PIWIL2: variants seen among roughly 807,000 people sequenced by gnomAD.
The protein encoded by PIWIL2 is piwi like RNA-mediated gene silencing 2, also known as piwi-like protein 2.
PIWIL2 carries 81 observed loss-of-function variants against 116.5 expected under a neutral mutation model. That is an observed-to-expected ratio of 0.70 (90% CI 0.58 to 0.84). The LOEUF (loss-of-function observed/expected upper bound fraction) is 0.84. Ranked by LOEUF, PIWIL2 falls within the 40% of genes least tolerant of loss-of-function variation. The pLI is 0.00. For synonymous variants in PIWIL2, 489 were observed against 429.5 expected, an observed-to-expected ratio of 1.14 and a Z score of -1.71; for missense variants, 1,272 against 1,212.3, an observed-to-expected ratio of 1.05 and a Z score of -0.73.
intron 6 of PIWIL2, among the ~76,000 whole-genome samples, chr8:22,285,668 G>T (rs1340212668): frequency 1.3e-5 from 2 of 151,690 alleles, no homozygotes; most frequent in Non-Finnish European, 2.9e-5. Flanking sequence ...TTGAGACAGG[G>T]TCTCAATCTG....
intron 20 of PIWIL2, among the ~76,000 whole-genome samples, chr8:22,344,549 C>T (rs1832182109): frequency 6.6e-6 from 1 of 151,888 alleles, no homozygotes; most frequent in African/African-American, 2.4e-5. Flanking sequence ...AATGAGGTAC[C>T]ATATCGTATG....
chr8:22,296,020 CTTTTTTTTT>C (rs67357452), intron 10 of PIWIL2, among the ~76,000 whole-genome samples: 4 of 102,842 alleles, frequency 3.9e-5, no homozygotes, highest in African/African-American at 1.5e-4. Context: ...CTCTTCCCTT[CTTTTTTTTT>C]TTTTTTTTTT....
At chr8:22,295,469 T>C (rs1830875459) in intron 10 of PIWIL2, among the ~76,000 whole-genome samples, 1 of 152,172 alleles carries the variant, frequency 6.6e-6, no homozygotes, top group Non-Finnish European at 1.5e-5. Flanking sequence ...TCCCCTCCCG[T>C]CCAAATACCA....
chr8:22,355,325 TTA>T, intron 22 of PIWIL2, 22 bp from the exon 23 acceptor site: 1 of 1,613,048 alleles, frequency 6.2e-7, no homozygotes, highest in Non-Finnish European at 8.5e-7. Context: ...ATGATGAGAA[TTA>T]TATTTTCTTC....
At chr8:22,288,783 C>T in intron 8 of PIWIL2, 117 bp downstream of exon 8, 2 of 846,690 alleles carry the variant, frequency 2.4e-6, no homozygotes, top group East Asian at 2.5e-5. Context: ...GGTTTGGAAG[C>T]ATTTAATGAA....
In PIWIL2 at chr8:22,354,341, C is replaced by G. The variant is rs1322640846; in HGVS notation, c.2728C>G (p.Leu910Val). 6.2e-7 allele frequency: 1 copy of G among 1,613,198 alleles called. No individual in the cohort carries two copies. Among genetic ancestry groups the G allele is most frequent in the East Asian group, 2.2e-5 (1 of 44,874 alleles). Residue 910 changes from leucine to valine, a missense_variant, in exon 22 of 23, where the codon CTC (leucine) becomes GTC (valine). Transcript: ENST00000356766. ...CATTCCTACGCATTATGTCTGTGTTCTCAACACCGCAAACCTGAGCCCTGA... is the reference window on the plus strand; with the variant it reads ...CATTCCTACGCATTATGTCTGTGTTGTCAACACCGCAAACCTGAGCCCTGA... The part of the protein sequence containing the change: ...CGIPTHYVCV[L>V]NTANLSPDHM...
At chr8:22,278,414 GGA>G (rs1305826289) in intron 1 of PIWIL2, among the ~76,000 whole-genome samples, 1 of 152,146 alleles carries the variant, frequency 6.6e-6, no homozygotes, top group Non-Finnish European at 1.5e-5. Context: ...CAGCTACTCA[GGA>G]GACTGAGATG....
intron 20 of PIWIL2, among the ~76,000 whole-genome samples, chr8:22,328,835 T>C (rs1273896632): frequency 6.6e-6 from 1 of 151,126 alleles, no homozygotes; most frequent in Non-Finnish European, 1.5e-5. Flanking sequence ...TTTTTTTTTT[T>C]TTAATTCTTT....
intron 20 of PIWIL2, among the ~76,000 whole-genome samples, chr8:22,323,240 C>T (rs1586579264): frequency 1.3e-5 from 2 of 151,426 alleles, no homozygotes; most frequent in East Asian, 3.9e-4. Flanking sequence ...CTCCGCCTCC[C>T]GGGTTCAAGC....
chr8:22,328,792 T>C (rs1831788032), intron 20 of PIWIL2, among the ~76,000 whole-genome samples: 1 of 151,514 alleles, frequency 6.6e-6, no homozygotes, highest in Non-Finnish European at 1.5e-5. Context: ...CTGTAACTTT[T>C]CTGAATGTGG....
At chr8:22,307,177 A>C (rs1359323146) in intron 13 of PIWIL2, among the ~76,000 whole-genome samples, 1 of 152,062 alleles carries the variant, frequency 6.6e-6, no homozygotes, top group Admixed American at 6.6e-5. Context: ...CCCAAATTTT[A>C]TTTCTTTTTC....
chr8:22,287,353 GATGTT>G (rs1830651742), intron 6 of PIWIL2, among the ~76,000 whole-genome samples, 170 bp from the exon 7 acceptor site: 1 of 152,192 alleles, frequency 6.6e-6, no homozygotes, highest in Admixed American at 6.5e-5. Context: ...TATGGTTTCT[GATGTT>G]TCAGCTGCGA....
intron 2 of PIWIL2, among the ~76,000 whole-genome samples, chr8:22,279,800 T>TA (rs1830459846): frequency 6.6e-6 from 1 of 152,002 alleles, no homozygotes; most frequent in Non-Finnish European, 1.5e-5. Flanking sequence ...CTACTGAAAA[T>TA]ACAAAAATTA....
At chr8:22,297,461 G>C (rs1050808969) in intron 10 of PIWIL2, among the ~76,000 whole-genome samples, 20 of 152,024 alleles carry the variant, frequency 1.3e-4, no homozygotes, top group African/African-American at 4.8e-4. Flanking sequence ...AATCACCAGT[G>C]ATACTGTTAT....
At chr8:22,290,769 T>A (rs886485869) in intron 10 of PIWIL2, among the ~76,000 whole-genome samples, 2 of 151,876 alleles carry the variant, frequency 1.3e-5, no homozygotes, top group African/African-American at 4.8e-5. Context: ...GATTTTTAGT[T>A]GTAGAATAAC....
At chr8:22,318,090 A>G in intron 19 of PIWIL2, 80 bp from the exon 20 acceptor site, 1 of 806,562 alleles carries the variant, frequency 1.2e-6, no homozygotes, top group Non-Finnish European at 2.1e-6. Flanking sequence ...AACCTGTGTT[A>G]CTGACATAAG....
intron 16 of PIWIL2, 134 bp from the exon 17 acceptor site, chr8:22,314,194 C>T (rs1344355182): frequency 1.1e-5 from 5 of 441,446 alleles, no homozygotes; most frequent in Non-Finnish European, 2.0e-5. Flanking sequence ...GGAATGTCCA[C>T]CCTCTTTATT....
intron 20 of PIWIL2, among the ~76,000 whole-genome samples, chr8:22,334,785 G>A (rs1314989068): frequency 2.6e-5 from 4 of 151,936 alleles, no homozygotes; most frequent in East Asian, 1.9e-4. Flanking sequence ...AGCCAGGTGC[G>A]GTGGCTCACA....
At chr8:22,289,696 A>C in intron 8 of PIWIL2, 151 bp from the exon 9 acceptor site, 1 of 564,188 alleles carries the variant, frequency 1.8e-6, no homozygotes, top group Non-Finnish European at 3.2e-6. Context: ...TTTTCTTTTA[A>C]CAAGATTGTT....
Sources: allele counts gnomAD v4.1 joint callset (sites outside exome capture counted in the v4.1 genomes callset), GRCh38; gene constraint gnomAD v4.1.1; transcripts MANE v1.5; gene names NCBI Gene and HGNC (gene_info 2026-07-23, HGNC 2026-07-21).